The following ZMIZ1 variants were observed in gnomAD, a reference collection of about 807,000 sequenced individuals.
ZMIZ1 encodes zinc finger MIZ-type containing 1.
A neutral mutation model predicts 113.9 loss-of-function variants in ZMIZ1; 17 were observed. The ratio of observed to expected loss-of-function variants is 0.15; its 90% CI spans 0.10 to 0.22. The LOEUF is 0.22. Ranked by LOEUF, ZMIZ1 falls within the 10% of genes least tolerant of loss-of-function variation. The pLI is 1.00. For synonymous variants in ZMIZ1, 607 were observed against 603.1 expected (o/e 1.01, Z -0.09); for missense variants, 1,059 against 1,477.8 (o/e 0.72, Z 4.65).
intron 4 of ZMIZ1, among the ~76,000 whole-genome samples, chr10:79,165,258 G>C (rs1286120378): frequency 1.3e-5 from 2 of 152,160 alleles, no homozygotes; most frequent in Admixed American, 1.3e-4. Context: ...TCCCCTGCCT[G>C]GGTGAGCTCA....
chr10:79,300,644 T>G, intron 16 of ZMIZ1, 88 bp from the exon 17 acceptor site: 1 of 1,477,606 alleles, frequency 6.8e-7, no homozygotes, highest in Non-Finnish European at 9.2e-7. Flanking sequence ...TGTGGTGTGT[T>G]TAGAGGTGTG....
At chr10:79,220,400 G>A (rs530204266) in intron 7 of ZMIZ1, among the ~76,000 whole-genome samples, 2 of 152,226 alleles carry the variant, frequency 1.3e-5, no homozygotes, top group African/African-American at 2.4e-5. Flanking sequence ...TGTGGGTGTG[G>A]GTGACCTGCA....
At chr10:79,160,428 G>A (rs546639947) in intron 3 of ZMIZ1, among the ~76,000 whole-genome samples, 3 of 152,348 alleles carry the variant, frequency 2.0e-5, no homozygotes, top group South Asian at 4.1e-4. Flanking sequence ...ATCAGCTGAC[G>A]TGTGTGGAGA....
chr10:79,093,189 G>A (rs1843046198), intron 1 of ZMIZ1, among the ~76,000 whole-genome samples: 1 of 145,964 alleles, frequency 6.9e-6, no homozygotes, highest in Non-Finnish European at 1.5e-5. Context: ...TTCAGGGGAT[G>A]CTTTAGGTTC....
chr10:79,310,694 C>A (rs966043895), intron 23 of ZMIZ1, among the ~76,000 whole-genome samples: 1 of 152,118 alleles, frequency 6.6e-6, no homozygotes, highest in Non-Finnish European at 1.5e-5. Context: ...TGGGGCTCCA[C>A]GTGGCCCGAG....
At chr10:79,074,082 G>T (rs1312258820) in intron 1 of ZMIZ1, among the ~76,000 whole-genome samples, 1 of 152,214 alleles carries the variant, frequency 6.6e-6, no homozygotes. Context: ...GGTGGATTTA[G>T]AAGCTTTTTC....
intron 4 of ZMIZ1, among the ~76,000 whole-genome samples, chr10:79,191,112 C>T (rs1161229333): frequency 2.0e-5 from 3 of 152,136 alleles, no homozygotes; most frequent in Admixed American, 2.0e-4. Context: ...TGGATGCCAC[C>T]TCCACCTCTT....
At chr10:79,123,326 G>T (rs1866159) in intron 2 of ZMIZ1, among the ~76,000 whole-genome samples, 35,170 of 152,110 alleles carry the variant, frequency 0.23, 4,893 homozygotes, top group East Asian at 0.59. Flanking sequence ...GGCTTCTGAT[G>T]AGCGACTTCA....
At chr10:79,089,715 C>G (rs1170351368) in intron 1 of ZMIZ1, among the ~76,000 whole-genome samples, 1 of 152,122 alleles carries the variant, frequency 6.6e-6, no homozygotes, top group East Asian at 1.9e-4. Flanking sequence ...CTATTGGCCG[C>G]ACCTGGGACA....
chr10:79,292,855 G>A (rs973474180), intron 11 of ZMIZ1: 2 of 463,034 alleles, frequency 4.3e-6, no homozygotes, highest in Admixed American at 4.7e-5. Flanking sequence ...TAGGAATGCA[G>A]AACAGGAGGT....
At chr10:79,152,227 A>C (rs905232647) in intron 3 of ZMIZ1, among the ~76,000 whole-genome samples, 1 of 152,206 alleles carries the variant, frequency 6.6e-6, no homozygotes, top group Non-Finnish European at 1.5e-5. Flanking sequence ...AGCCCAGTAC[A>C]GTGGCTCACA....
chr10:79,164,829 G>A (rs920359705), intron 4 of ZMIZ1, among the ~76,000 whole-genome samples: 7 of 152,196 alleles, frequency 4.6e-5, no homozygotes, highest in African/African-American at 1.7e-4. Context: ...GAGTCTGGGA[G>A]AGAGCATGAG....
chr10:79,192,883 G>A (rs551712587), intron 4 of ZMIZ1, among the ~76,000 whole-genome samples: 4 of 152,212 alleles, frequency 2.6e-5, no homozygotes, highest in Non-Finnish European at 4.4e-5. Flanking sequence ...CTAAGAGCTG[G>A]AAGCAGCTGG....
chr10:79,160,832 T>G (rs1490568291), intron 3 of ZMIZ1, among the ~76,000 whole-genome samples: 4 of 152,254 alleles, frequency 2.6e-5, no homozygotes, highest in Non-Finnish European at 4.4e-5. Context: ...ATCTTTGTTC[T>G]GAGAGGAGCT....
chr10:79,202,681 A>G (rs1848153283), intron 5 of ZMIZ1, among the ~76,000 whole-genome samples: 2 of 152,170 alleles, frequency 1.3e-5, no homozygotes, highest in Non-Finnish European at 2.9e-5. Flanking sequence ...GAGGTGGGGA[A>G]CCTTTCACAG....
At chr10:79,257,580 G>A (rs1850997132) in intron 7 of ZMIZ1, among the ~76,000 whole-genome samples, 1 of 152,238 alleles carries the variant, frequency 6.6e-6, no homozygotes, top group Non-Finnish European at 1.5e-5. Context: ...GCATTGGGAG[G>A]TGACTGATCT....
chr10:79,300,927 C>G lies in ZMIZ1; in HGVS notation c.2004C>G (p.Val668=). Reference sequence around the variant, plus strand: ...GCCGCAACACCATCCAGATCACCGTCACGGCCTGCTGCTGCGTGAGTGTGG... The same window carrying G: ...GCCGCAACACCATCCAGATCACCGTGACGGCCTGCTGCTGCGTGAGTGTGG... ...QPGRNTIQIT[V]TACCCSHLFV... Residue 668 remains valine (V), a synonymous_variant, in exon 17 of 25, where the codon GTC becomes GTG. Coordinates refer to ENST00000334512, the MANE Select transcript of ZMIZ1 (RefSeq NM_020338.4). 2 of 1,610,956 alleles carry G rather than the reference C, an allele frequency of 1.2e-6. No homozygotes were observed. The highest frequency in any genetic ancestry group is 1.7e-6 in the Non-Finnish European group (2 of 1,179,936).
intron 1 of ZMIZ1, among the ~76,000 whole-genome samples, chr10:79,075,505 G>A (rs892150684): frequency 1.3e-5 from 2 of 152,164 alleles, no homozygotes; most frequent in Non-Finnish European, 2.9e-5. Flanking sequence ...CCAGTTGGCA[G>A]TTACCTGTCT....
chr10:79,105,538 G>A (rs1158164060), intron 1 of ZMIZ1, among the ~76,000 whole-genome samples: 3 of 152,140 alleles, frequency 2.0e-5, no homozygotes, highest in Admixed American at 6.5e-5. Context: ...AAACCCCTCC[G>A]CCCCTAGTCC....
Sources: gnomAD v4.1 joint callset for allele counts (sites outside exome capture counted in the v4.1 genomes callset) on GRCh38, gnomAD v4.1.1 for gene constraint, MANE v1.5 for transcripts, NCBI Gene and HGNC (gene_info 2026-07-23, HGNC 2026-07-21) for gene names.